FER: variants seen among roughly 807,000 people sequenced by gnomAD.
FER encodes the protein FER tyrosine kinase.
In FER, 63 loss-of-function variants were observed where a neutral mutation model predicts 111.0. The observed-to-expected ratio is 0.57, with a 90% CI of 0.46 to 0.70. FER has a LOEUF of 0.70. FER is among the 30% of genes least tolerant of loss of function. The pLI is 0.00. For missense variants in FER, 914 were observed against 954.0 expected (o/e 0.96, Z 0.55); for synonymous variants, 327 against 313.9 (o/e 1.04, Z -0.44).
intron 11 of FER, 24 bp downstream of exon 11, chr5:108,946,246 C>G (rs1480339027): frequency 6.5e-7 from 1 of 1,540,992 alleles, no homozygotes; most frequent in Middle Eastern, 1.7e-4. Context: ...ACTCTCTGTG[C>G]TACTGAAAAT....
At chr5:108,944,842 T>TATATA (rs1756760434) in intron 10 of FER, among the ~76,000 whole-genome samples, 1 of 152,056 alleles carries the variant, frequency 6.6e-6, no homozygotes, top group African/African-American at 2.4e-5. Flanking sequence ...ATAAAGAACC[T>TATATA]TCATATGAAA....
rs527572803 is a variant in FER at position 108,833,868 on chromosome 5, C to T, written c.381+925C>T. Among the ~76,000 whole-genome samples the T allele has an allele frequency of 2.0e-4, 29 of 148,180 alleles. No homozygotes were observed. The South Asian group carries it at 5.3e-3, about 27-fold the overall frequency. ...CAGCCTGGGCATCAGAGCAAGACTC[C>T]GTCTCAAAAAAAAAAAAAAAATGTA... is the stretch of plus-strand genomic sequence containing the variant. On this transcript the variant is annotated intron_variant, in intron 4 of 19. Coordinates refer to ENST00000281092, the MANE Select transcript of FER (RefSeq NM_005246.4).
chr5:108,818,892 G>A (rs1275078602), intron 3 of FER, among the ~76,000 whole-genome samples: 4 of 152,180 alleles, frequency 2.6e-5, no homozygotes, highest in Non-Finnish European at 5.9e-5. Flanking sequence ...GCCTAAAGGA[G>A]TAGATAGCTT....
chr5:109,067,690 G>T (rs1316921490), intron 16 of FER, among the ~76,000 whole-genome samples: 5 of 151,842 alleles, frequency 3.3e-5, no homozygotes, highest in African/African-American at 1.2e-4. Flanking sequence ...TCAAAATTTT[G>T]TACATCTATG....
chr5:109,160,138 A>G (rs972355759), intron 17 of FER, among the ~76,000 whole-genome samples: 1 of 152,176 alleles, frequency 6.6e-6, no homozygotes, highest in Non-Finnish European at 1.5e-5. Context: ...AAAACAAGGC[A>G]TCCCGAATAG....
At chr5:109,161,708 A>G (rs891275096) in intron 17 of FER, among the ~76,000 whole-genome samples, 2 of 152,070 alleles carry the variant, frequency 1.3e-5, no homozygotes, top group African/African-American at 2.4e-5. Flanking sequence ...ATATACGCGT[A>G]TATGTGTATT....
rs1752121478 is a variant in FER, at chr5:108,764,685, C to T, written c.-205-3408C>T. On this transcript the variant is annotated intron_variant, in intron 1 of 19. Transcript: ENST00000281092. ...GTGCTGGGATTACAGGCATGAGCCA[C>T]TGCACCTGGCCGTGGAAACATAATT... 2.6e-5 allele frequency among the ~76,000 whole-genome samples: 4 copies of T among 152,212 alleles called. 1 individual carries two copies. The South Asian group carries it at 8.3e-4, about 32-fold the overall frequency.
chr5:109,073,993 T>G (rs1485641041), intron 16 of FER, among the ~76,000 whole-genome samples: 1 of 152,178 alleles, frequency 6.6e-6, no homozygotes, highest in Non-Finnish European at 1.5e-5. Context: ...CTTTCGTATC[T>G]TATAAACACT....
chr5:108,930,789 T>A (rs1277486385), intron 10 of FER, among the ~76,000 whole-genome samples: 1 of 150,896 alleles, frequency 6.6e-6, no homozygotes, highest in East Asian at 2.0e-4. Context: ...GATTTTTGTA[T>A]TTTTAGTAGA....
chr5:108,851,880 A>C (rs1233555272), intron 5 of FER, among the ~76,000 whole-genome samples: 1 of 152,194 alleles, frequency 6.6e-6, no homozygotes, highest in Admixed American at 6.5e-5. Context: ...AGGAGTCTGA[A>C]TGCTTCTGCT....
intron 2 of FER, among the ~76,000 whole-genome samples, chr5:108,790,801 CATT>C (rs1270039384): frequency 3.3e-5 from 5 of 152,200 alleles, no homozygotes; most frequent in African/African-American, 1.2e-4. Context: ...CACTAACAGT[CATT>C]CCTAATTTCA....
At chr5:109,157,821 G>A (rs959648732) in intron 17 of FER, among the ~76,000 whole-genome samples, 1 of 152,094 alleles carries the variant, frequency 6.6e-6, no homozygotes, top group African/African-American at 2.4e-5. Context: ...GAGAACTACT[G>A]TATAGCAGCA....
intron 13 of FER, among the ~76,000 whole-genome samples, chr5:108,978,124 G>T (rs1478295284): frequency 1.3e-5 from 2 of 152,182 alleles, no homozygotes; most frequent in African/African-American, 2.4e-5. Flanking sequence ...GGTATTACAG[G>T]CATGAGCCAT....
At chr5:108,825,108 G>A (rs374438601) in intron 3 of FER, among the ~76,000 whole-genome samples, 3 of 152,296 alleles carry the variant, frequency 2.0e-5, no homozygotes, top group East Asian at 3.9e-4. Flanking sequence ...GGACGGAGGC[G>A]AAATTAAAAT....
chr5:108,837,121 A>C (rs1029076643), intron 5 of FER, among the ~76,000 whole-genome samples: 2 of 152,234 alleles, frequency 1.3e-5, no homozygotes, highest in Admixed American at 6.5e-5. Flanking sequence ...CTTTGGAGTC[A>C]GAGAGTCCTG....
intron 3 of FER, among the ~76,000 whole-genome samples, chr5:108,806,102 G>A (rs1188284051): frequency 2.0e-5 from 3 of 152,152 alleles, no homozygotes; most frequent in African/African-American, 7.2e-5. Flanking sequence ...AGGACTTGGT[G>A]CCCTGCATCC....
At chr5:108,840,521 C>G (rs1024488504) in intron 5 of FER, among the ~76,000 whole-genome samples, 2 of 151,564 alleles carry the variant, frequency 1.3e-5, no homozygotes, top group African/African-American at 4.8e-5. Flanking sequence ...CTACTTTTTA[C>G]TCATGACTTT....
At chr5:108,752,074 G>A (rs866009508) in intron 1 of FER, among the ~76,000 whole-genome samples, 1 of 151,994 alleles carries the variant, frequency 6.6e-6, no homozygotes, top group Non-Finnish European at 1.5e-5. Flanking sequence ...TCTTTGGTAT[G>A]CTTATGTATG....
chr5:109,059,719 A>G (rs1208955093), intron 16 of FER, among the ~76,000 whole-genome samples: 4 of 152,196 alleles, frequency 2.6e-5, no homozygotes, highest in Non-Finnish European at 4.4e-5. Context: ...CAGAACATTC[A>G]TACGTTACTG....
Sources: gnomAD v4.1 joint callset for allele counts (sites outside exome capture counted in the v4.1 genomes callset) on GRCh38, gnomAD v4.1.1 for gene constraint, MANE v1.5 for transcripts, NCBI Gene and HGNC (gene_info 2026-07-23, HGNC 2026-07-21) for gene names.